CRACDL: variants seen among roughly 807,000 people sequenced by gnomAD.
CRACDL encodes CRACD-like protein.
In CRACDL, 26 loss-of-function variants were observed where a neutral mutation model predicts 70.6. That is an observed-to-expected ratio of 0.37 (90% CI 0.27 to 0.51). The LOEUF (loss-of-function observed/expected upper bound fraction) is 0.51, where lower values mean the gene tolerates loss of function less well. Ranked by LOEUF, CRACDL falls within the 20% of genes least tolerant of loss-of-function variation. The probability of loss-of-function intolerance (pLI) is 0.94; values close to 1 mark genes in which losing one functional copy is unlikely to be tolerated. For synonymous variants in CRACDL, 618 were observed against 615.2 expected, an observed-to-expected ratio of 1.00 and a Z score of -0.07; for missense variants, 1,283 against 1,376.9, an observed-to-expected ratio of 0.93 and a Z score of 1.08.
rs373346873 is a variant in CRACDL at position 98,822,192 on chromosome 2, T to G, written c.2081A>C (p.Lys694Thr). 1.2e-6 allele frequency: 2 copies of G among 1,611,188 alleles called. No homozygotes were observed. The highest frequency in any genetic ancestry group is 2.2e-5 in the South Asian group (2 of 90,668). ...VKLRSTSLSL[K>T]YRDGASQEVK... ...CTCCTGAGAGGCGCCATCCCTGTATTTGAGCGAGAGGGAGGTGGACCGGAG... is the reference window on the plus strand; with the variant it reads ...CTCCTGAGAGGCGCCATCCCTGTATGTGAGCGAGAGGGAGGTGGACCGGAG... The change falls in exon 7 of 10, where the codon AAA (lysine) becomes ACA (threonine). Residue 694 changes from lysine (K) to threonine (T), a missense_variant. Coordinates refer to ENST00000397899, the MANE Select transcript of CRACDL (RefSeq NM_207362.3). This position sits in a 1 kb window ranked among gnomAD's most constrained non-coding sequence, Gnocchi z 4.9.
chr2:98,888,459 TATTA>T (rs768118114), intron 1 of CRACDL, among the ~76,000 whole-genome samples: 9 of 152,214 alleles, frequency 5.9e-5, no homozygotes, highest in Non-Finnish European at 1.3e-4. Flanking sequence ...ACTAGATTGT[TATTA>T]ATTAAGATGC....
At chr2:98,904,570 C>T (rs140354875) in intron 1 of CRACDL, among the ~76,000 whole-genome samples, 3 of 152,294 alleles carry the variant, frequency 2.0e-5, no homozygotes, top group African/African-American at 7.2e-5. Flanking sequence ...TATGAATGCC[C>T]AGCCTTCCAG....
At chr2:98,898,751 C>T (rs1300608630) in intron 1 of CRACDL, among the ~76,000 whole-genome samples, 1 of 152,220 alleles carries the variant, frequency 6.6e-6, no homozygotes, top group East Asian at 1.9e-4. Context: ...TCCCTATGTG[C>T]CTCAAGGATG....
chr2:98,918,434 GAGGCCCAGGCT>G, intron 1 of CRACDL, among the ~76,000 whole-genome samples: 1 of 150,824 alleles, frequency 6.6e-6, no homozygotes, highest in Non-Finnish European at 1.5e-5. Context: ...TTGGGAGGCT[GAGGCCCAGGCT>G]GAGAATTGTT....
chr2:98,920,370 C>T (rs1336539812), intron 1 of CRACDL, among the ~76,000 whole-genome samples: 2 of 152,156 alleles, frequency 1.3e-5, no homozygotes, highest in South Asian at 2.1e-4. Flanking sequence ...CTACACTGTG[C>T]ATACTTCGCA....
At chr2:98,811,714 C>T (rs1040161198) in intron 7 of CRACDL, among the ~76,000 whole-genome samples, 1 of 152,090 alleles carries the variant, frequency 6.6e-6, no homozygotes. Context: ...CTACTCCCAA[C>T]CCCTGGCAAC....
chr2:98,794,733 G>A, intron 9 of CRACDL, 62 bp from the exon 10 acceptor site: 1 of 1,481,494 alleles, frequency 6.7e-7, no homozygotes, highest in Non-Finnish European at 9.3e-7. Context: ...TTTCCCTTAA[G>A]CCTCTTGTGT....
intron 7 of CRACDL, among the ~76,000 whole-genome samples, chr2:98,804,949 C>T (rs373260373): frequency 6.6e-5 from 10 of 152,276 alleles, no homozygotes; most frequent in African/African-American, 1.7e-4. Context: ...ACAATGAGAA[C>T]GGACTGGACC....
At chr2:98,814,434 T>G (rs534888351) in intron 7 of CRACDL, among the ~76,000 whole-genome samples, 2 of 152,312 alleles carry the variant, frequency 1.3e-5, no homozygotes, top group Non-Finnish European at 2.9e-5. Context: ...AGTGTTTAAT[T>G]TCAAATATTT....
chr2:98,880,438 C>T (rs528011522), intron 1 of CRACDL, among the ~76,000 whole-genome samples: 1 of 152,306 alleles, frequency 6.6e-6, no homozygotes, highest in African/African-American at 2.4e-5. Context: ...AGCACCAAGC[C>T]AGGCAACTCG....
chr2:98,919,585 A>T (rs1336882504), intron 1 of CRACDL, among the ~76,000 whole-genome samples: 1 of 152,178 alleles, frequency 6.6e-6, no homozygotes, highest in African/African-American at 2.4e-5. Context: ...TTAAATTTTA[A>T]TCCACATGGA....
At chr2:98,887,606 A>G (rs1707834431) in intron 1 of CRACDL, among the ~76,000 whole-genome samples, 1 of 152,238 alleles carries the variant, frequency 6.6e-6, no homozygotes, top group Admixed American at 6.5e-5. Context: ...TCAAAGAACT[A>G]GTAACTGAAC....
In CRACDL at chr2:98,823,027, T is replaced by C; in HGVS notation, c.1246A>G (p.Thr416Ala). ...GCCTCTGAGGTGGCGGCGGGGTCAGTCTCGGGGGGAGTCGTGTCCCCCTCA... is the reference window on the plus strand; with the variant it reads ...GCCTCTGAGGTGGCGGCGGGGTCAGCCTCGGGGGGAGTCGTGTCCCCCTCA... ...IPEGDTTPPETDPAATSEAPS... is the reference protein window; with the variant it reads ...IPEGDTTPPEADPAATSEAPS... Residue 416 changes from threonine to alanine, a missense_variant, in exon 7 of 10, where the codon ACT becomes GCT. Transcript: ENST00000397899. The surrounding 1 kb of genome is among the most constrained non-coding windows in gnomAD (Gnocchi z 4.0). 6.5e-7 allele frequency: 1 copy of C among 1,540,876 alleles called. No homozygotes were observed.
chr2:98,892,714 T>A lies in CRACDL; in HGVS notation c.-11+43224A>T, dbSNP rs568509902. Among the ~76,000 whole-genome samples, 531 of 152,018 alleles carry A rather than the reference T, an allele frequency of 3.5e-3. 4 individuals carry two copies. Among genetic ancestry groups the A allele is most frequent in the African/African-American group, 0.012 (499 of 41,436 alleles). On this transcript the variant is annotated intron_variant, in intron 1 of 9. Transcript: ENST00000397899. The stretch of plus-strand genomic sequence containing the variant: ...CAAAAAAAAAAGAAATAAAATAAAA[T>A]TTTTTTAAAAATGATCTGAGGAAAA...
At chr2:98,849,012 G>C (rs1296523726) in intron 1 of CRACDL, among the ~76,000 whole-genome samples, 6 of 152,234 alleles carry the variant, frequency 3.9e-5, no homozygotes, top group Non-Finnish European at 7.3e-5. Flanking sequence ...CTGGGATACA[G>C]TGACAGATGA....
chr2:98,918,252 G>A (rs1165995073), intron 1 of CRACDL, among the ~76,000 whole-genome samples: 2 of 152,098 alleles, frequency 1.3e-5, no homozygotes, highest in African/African-American at 4.8e-5. Flanking sequence ...TGTAGAAGTG[G>A]CTGGGTGCAG....
intron 2 of CRACDL, among the ~76,000 whole-genome samples, chr2:98,845,655 C>T (rs2104533713): frequency 6.6e-6 from 1 of 152,232 alleles, no homozygotes; most frequent in South Asian, 2.1e-4. Context: ...TCTTCAGTAA[C>T]CTCTGTATGT....
intron 1 of CRACDL, among the ~76,000 whole-genome samples, chr2:98,900,195 G>A (rs1248194887): frequency 7.0e-6 from 1 of 143,486 alleles, no homozygotes; most frequent in Non-Finnish European, 1.5e-5. Flanking sequence ...TAGGAGGGGA[G>A]GCAGGGGGAC....
At chr2:98,841,798 C>T (rs1022256095) in intron 2 of CRACDL, among the ~76,000 whole-genome samples, 63 of 152,176 alleles carry the variant, frequency 4.1e-4, no homozygotes, top group Non-Finnish European at 8.8e-5. Context: ...CTTGCCATGA[C>T]ATTTAATGGC....
Sources: allele counts gnomAD v4.1 joint callset (sites outside exome capture counted in the v4.1 genomes callset), GRCh38; gene constraint gnomAD v4.1.1; non-coding constraint Gnocchi (gnomAD v3.1); transcripts MANE v1.5; gene names NCBI Gene and HGNC (gene_info 2026-07-23, HGNC 2026-07-21).